Variants in VOPP1 observed in about 807,000 individuals in gnomAD.
VOPP1 encodes the protein VOPP1 WW domain binding protein.
A neutral mutation model predicts 23.5 loss-of-function variants in VOPP1; 8 were observed. The ratio of observed to expected loss-of-function variants is 0.34; its 90% CI spans 0.20 to 0.61. The LOEUF (loss-of-function observed/expected upper bound fraction) is 0.61, where lower values mean the gene tolerates loss of function less well. Ranked by LOEUF, VOPP1 falls within the 20% of genes least tolerant of loss-of-function variation. The pLI is 0.78. For synonymous variants in VOPP1, 83 were observed against 97.3 expected, an observed-to-expected ratio of 0.85 and a Z score of 0.86; for missense variants, 174 against 238.1, an observed-to-expected ratio of 0.73 and a Z score of 1.77.
rs1210851938 is a variant in VOPP1 at position 55,470,889 on chromosome 7, C to T, written c.*1966G>A. 1 of 152,110 alleles carries T rather than the reference C, an allele frequency of 6.6e-6. No homozygotes were observed. Among genetic ancestry groups the T allele is most frequent in the Non-Finnish European group, 1.5e-5 (1 of 67,974 alleles). The allele number at this position is 152,110 out of a possible 1,614,324, so 9.4% of individuals were successfully genotyped here. On this transcript the variant is annotated 3_prime_UTR_variant, in exon 5 of 5. Coordinates refer to ENST00000285279, the MANE Select transcript of VOPP1 (RefSeq NM_030796.5). The stretch of plus-strand genomic sequence containing the variant: ...TGCAGGATCAGCGTTCACAGTAGCA[C>T]AATTCTAACCAAGTTCAAGGGAAAA...
At chr7:55,561,526 T>C (rs998616141) in intron 1 of VOPP1, among the ~76,000 whole-genome samples, 3 of 151,798 alleles carry the variant, frequency 2.0e-5, no homozygotes, top group African/African-American at 7.3e-5. Context: ...CTAGCCAATA[T>C]GGTGAAACCC....
intron 2 of VOPP1, among the ~76,000 whole-genome samples, chr7:55,504,389 T>C (rs1794572201): frequency 6.6e-6 from 1 of 152,218 alleles, no homozygotes; most frequent in Non-Finnish European, 1.5e-5. Flanking sequence ...CCAGAGAAAC[T>C]AAACACAGAA....
intron 1 of VOPP1, among the ~76,000 whole-genome samples, chr7:55,522,087 C>G (rs920381961): frequency 1.3e-5 from 2 of 152,208 alleles, no homozygotes; most frequent in African/African-American, 4.8e-5. Context: ...GAGGCAGGGC[C>G]GTCCTGCCCA....
At chr7:55,476,436 G>T (rs1792259518) in intron 4 of VOPP1, among the ~76,000 whole-genome samples, 1 of 128,874 alleles carries the variant, frequency 7.8e-6, no homozygotes. Context: ...TGTCGGGGGG[G>T]TGGGCGGGGG....
downstream of VOPP1, among the ~76,000 whole-genome samples, chr7:55,467,461 C>T (rs1791662124): frequency 1.3e-5 from 2 of 152,268 alleles, no homozygotes; most frequent in Admixed American, 6.5e-5. Context: ...TGAGAAACAG[C>T]TCCTCCCTCG....
At chr7:55,438,187 G>T (rs1299814949) in intron 4 of VOPP1, among the ~76,000 whole-genome samples, 1 of 152,034 alleles carries the variant, frequency 6.6e-6, no homozygotes, top group African/African-American at 2.4e-5. Context: ...GAGCCACTGC[G>T]CCTGGCCCTT....
At chr7:55,457,528 A>C (rs1791397669) in intron 4 of VOPP1, among the ~76,000 whole-genome samples, 1 of 152,052 alleles carries the variant, frequency 6.6e-6, no homozygotes, top group African/African-American at 2.4e-5. Context: ...TTTTTTGAGA[A>C]ACCTCTATAC....
chr7:55,491,540 C>T (rs149876672), intron 4 of VOPP1, among the ~76,000 whole-genome samples: 3 of 152,266 alleles, frequency 2.0e-5, no homozygotes, highest in Non-Finnish European at 2.9e-5. Flanking sequence ...TCTGATGAGC[C>T]GAGCCAGCCC....
chr7:55,505,664 AGGGAGGGAGGGAGGGAGGGAGG>A, intron 2 of VOPP1, among the ~76,000 whole-genome samples: 1 of 2,018 alleles, frequency 5.0e-4, no homozygotes. Context: ...GGAGGGAGGG[AGGGAGGGAGGGAGGGAGGGAGG>A]GAGGGAGGGA....
rs141543816 is a variant in VOPP1, at chr7:55,570,591, T to C, written c.54+1680A>G. On this transcript the variant is annotated intron_variant, in intron 1 of 4. Coordinates refer to ENST00000285279, the MANE Select transcript of VOPP1 (RefSeq NM_030796.5). The stretch of plus-strand genomic sequence containing the variant: ...ACTCAGACAGAAGGCTTGGGAGACA[T>C]GGGTGGCACAAACTAGAATGAAAGA... 9.0e-3 allele frequency among the ~76,000 whole-genome samples: 1,362 copies of C among 152,136 alleles called. 20 individuals carry two copies. Among genetic ancestry groups the C allele is most frequent in the African/African-American group, 0.031 (1,304 of 41,484 alleles).
At chr7:55,565,182 T>A (rs760807806) in intron 1 of VOPP1, among the ~76,000 whole-genome samples, 1 of 152,196 alleles carries the variant, frequency 6.6e-6, no homozygotes, top group Non-Finnish European at 1.5e-5. Context: ...AATTATCGAA[T>A]CCGATGGCCT....
At chr7:55,559,840 G>A (rs990041473) in intron 1 of VOPP1, among the ~76,000 whole-genome samples, 7 of 152,174 alleles carry the variant, frequency 4.6e-5, no homozygotes, top group African/African-American at 1.7e-4. Flanking sequence ...AAGAACCTCA[G>A]AACGTGGCAA....
intron 4 of VOPP1, among the ~76,000 whole-genome samples, chr7:55,451,551 G>T (rs1372452657): frequency 6.6e-6 from 1 of 152,202 alleles, no homozygotes; most frequent in Admixed American, 6.5e-5. Flanking sequence ...CAGCACTTTG[G>T]GAGGCAGAGG....
chr7:55,448,101 A>G (rs1791146589), intron 4 of VOPP1, among the ~76,000 whole-genome samples: 1 of 152,194 alleles, frequency 6.6e-6, no homozygotes, highest in African/African-American at 2.4e-5. Flanking sequence ...ATTCTTCTGA[A>G]GGTAATATTT....
intron 1 of VOPP1, among the ~76,000 whole-genome samples, chr7:55,550,033 C>A (rs1332469723): frequency 6.6e-6 from 1 of 152,236 alleles, no homozygotes; most frequent in Non-Finnish European, 1.5e-5. Flanking sequence ...CTGAGTGCCA[C>A]CACAGGCCGG....
chr7:55,487,536 C>T (rs1793230893), intron 4 of VOPP1, among the ~76,000 whole-genome samples: 1 of 152,164 alleles, frequency 6.6e-6, no homozygotes, highest in Admixed American at 6.5e-5. Context: ...CAGTACACTA[C>T]AGTCTTGAGC....
intron 1 of VOPP1, among the ~76,000 whole-genome samples, chr7:55,554,990 C>T (rs533902914): frequency 2.6e-5 from 4 of 152,226 alleles, no homozygotes; most frequent in African/African-American, 7.2e-5. Context: ...TGCTTTTTGC[C>T]GCATCTCCCG....
intron 1 of VOPP1, among the ~76,000 whole-genome samples, chr7:55,545,647 T>A (rs1464791604): frequency 6.6e-6 from 1 of 152,036 alleles, no homozygotes; most frequent in Non-Finnish European, 1.5e-5. Context: ...TGGTTACACA[T>A]CCACCGGGAC....
intron 2 of VOPP1, among the ~76,000 whole-genome samples, chr7:55,513,205 G>A (rs1795193131): frequency 6.6e-6 from 1 of 152,002 alleles, no homozygotes; most frequent in Non-Finnish European, 1.5e-5. Flanking sequence ...GGCTCCTCCA[G>A]GACAGGCCCT....
Sources: allele counts gnomAD v4.1 joint callset (sites outside exome capture counted in the v4.1 genomes callset), GRCh38; gene constraint gnomAD v4.1.1; transcripts MANE v1.5; gene names NCBI Gene and HGNC (gene_info 2026-07-23, HGNC 2026-07-21).